EPHB4: variants seen among roughly 807,000 people sequenced by gnomAD.
EPHB4 encodes EPH receptor B4.
EPHB4 carries 50 observed loss-of-function variants against 110.6 expected under a neutral mutation model. The observed-to-expected ratio is 0.45, with a 90% confidence interval of 0.36 to 0.57. The LOEUF (loss-of-function observed/expected upper bound fraction) is 0.57. EPHB4 is among the 20% of genes least tolerant of loss of function. The pLI is 0.00. For missense variants in EPHB4, 1,128 were observed against 1,382.1 expected, an observed-to-expected ratio of 0.82 and a Z score of 2.91; for synonymous variants, 592 against 578.4, an observed-to-expected ratio of 1.02 and a Z score of -0.34.
intron 4 of EPHB4, chr7:100,820,606 C>T (rs1483581232): frequency 9.3e-6 from 2 of 214,094 alleles, no homozygotes; most frequent in Non-Finnish European, 1.8e-5. Flanking sequence ...CTGTTTCGAC[C>T]CTGATCTCGG....
chr7:100,813,395 A>G (rs1812993247), intron 10 of EPHB4, 187 bp from the exon 11 acceptor site: 1 of 630,626 alleles, frequency 1.6e-6, no homozygotes. Context: ...GGCTCACTGC[A>G]ATCTCCGCCT....
At chr7:100,820,905 G>A (rs1813211715) in intron 4 of EPHB4, 1 of 151,848 alleles carries the variant, frequency 6.6e-6, no homozygotes, top group Non-Finnish European at 1.5e-5. Context: ...GGCCAAAGAG[G>A]GCAGATCACT....
chr7:100,805,295 C>T lies in EPHB4; in HGVS notation c.2705G>A (p.Arg902Gln), dbSNP rs760826885. The stretch of plus-strand genomic sequence containing the variant: ...GCCAAAAGCTGAGTAGTGAGGCTGC[C>T]GCTGGTCCAGGAGAGGGTGTGAGGC... ...GGASHPLLDQ[R>Q]QPHYSAFGSV... Residue 902 changes from arginine to glutamine, a missense_variant, in exon 16 of 17, where the codon CGG becomes CAG. This residue lies in a region of EPHB4 where 209 missense variants were observed against 240.5 expected (regional missense o/e 0.87). Transcript: ENST00000358173. The T allele has an allele frequency of 1.2e-5, 19 of 1,613,624 alleles. No individual in the cohort carries two copies. Among genetic ancestry groups the T allele is most frequent in the South Asian group, 3.3e-5 (3 of 91,014 alleles).
At position 100,819,706 on chromosome 7, in the gene EPHB4, G is replaced by A; in HGVS notation, c.1148C>T (p.Pro383Leu). The A allele has an allele frequency of 5.0e-6, 8 of 1,613,436 alleles. No homozygotes were observed. The highest frequency in any genetic ancestry group is 6.8e-6 in the Non-Finnish European group (8 of 1,179,882). Residue 383 changes from proline (P) to leucine (L), a missense_variant, in exon 6 of 17, where the codon CCC (proline) becomes CTC (leucine). Transcript: ENST00000358173. ...CGGDLTFDPGPRDLVEPWVVV... is the reference protein window; with the variant it reads ...CGGDLTFDPGLRDLVEPWVVV... ...CACCCAGGGCTCCACCAGGTCCCGG[G>A]GGCCGGGGTCAAAAGTCAGGTCTCC...
chr7:100,809,747 C>T (rs1812889324), intron 12 of EPHB4, among the ~76,000 whole-genome samples: 3 of 152,310 alleles, frequency 2.0e-5, no homozygotes, highest in South Asian at 2.1e-4. Context: ...CTCCTGGCCT[C>T]GAGTGATCCA....
At position 100,820,266 on chromosome 7, in the gene EPHB4, G is replaced by A. The variant is rs758961867; in HGVS notation, c.839C>T (p.Ser280Leu). ...ACAQGTFKPL[S>L]GEGSCQPCPA... ...GCATGGCTGGCAGGACCCTTCTCCT[G>A]ACAGGGGCTTGAAGGTGCCCTGGGC... The change falls in exon 5 of 17, where the codon TCA becomes TTA. Residue 280 changes from serine (S) to leucine (L), a missense_variant. Around this residue, in one of 3 missense-constraint regions of EPHB4, gnomAD observed 728 missense variants for 828.6 expected, o/e 0.88. Coordinates refer to ENST00000358173, the MANE Select transcript of EPHB4 (RefSeq NM_004444.5). The A allele has an allele frequency of 1.2e-6, 2 of 1,614,026 alleles. No individual in the cohort carries two copies. The highest frequency in any genetic ancestry group is 2.2e-5 in the South Asian group (2 of 91,068).
At position 100,827,402 on chromosome 7, in the gene EPHB4, C is replaced by T. The variant is rs1282014332; in HGVS notation, c.-372G>A. ...AGTGGCTCTGCTCGCGCCGCCGGGCCGAGTGCTCTCCTCGCGGGCGGGGAT... is the reference window on the plus strand; with the variant it reads ...AGTGGCTCTGCTCGCGCCGCCGGGCTGAGTGCTCTCCTCGCGGGCGGGGAT... On this transcript the variant is annotated 5_prime_UTR_variant, in exon 1 of 17. Transcript: ENST00000358173. The T allele has an allele frequency of 6.6e-6, 1 of 150,446 alleles. No individual in the cohort carries two copies. The highest frequency in any genetic ancestry group is 1.5e-5 in the Non-Finnish European group (1 of 67,398). The allele number at this position is 150,446 out of a possible 1,614,324, so 9.3% of individuals were successfully genotyped here. A position where few individuals can be genotyped will look rare whatever the true frequency, so the allele number is the denominator to read the frequency against.
chr7:100,807,521 C>G lies in EPHB4; in HGVS notation c.2178G>C (p.Ser726=), dbSNP rs199591006. The change falls in exon 13 of 17, where the codon TCG becomes TCC. Residue 726 remains serine, a synonymous_variant. Transcript: ENST00000358173. ...QLVGMLRGIA[S]GMRYLAEMSY... Reference sequence around the variant, plus strand: ...TCATCTCGGCAAGGTACCGCATGCCCGAGGCGATGCCCCGCAGCATGCCCA... The same window carrying G: ...TCATCTCGGCAAGGTACCGCATGCCGGAGGCGATGCCCCGCAGCATGCCCA... 1.2e-6 allele frequency: 2 copies of G among 1,614,064 alleles called. No homozygotes were observed. Among genetic ancestry groups the G allele is most frequent in the Non-Finnish European group, 8.5e-7 (1 of 1,180,010 alleles).
At chr7:100,815,479 G>C (rs912056624) in intron 8 of EPHB4, among the ~76,000 whole-genome samples, 1 of 152,184 alleles carries the variant, frequency 6.6e-6, no homozygotes, top group Non-Finnish European at 1.5e-5. Context: ...CAGGGACTAA[G>C]GCAACAGAAA....
rs542077734 is a variant in EPHB4 at position 100,813,999 on chromosome 7, C to T, written c.1611G>A (p.Gln537=). The T allele has an allele frequency of 8.1e-6, 13 of 1,614,020 alleles. No individual in the cohort carries two copies. The South Asian group carries it at 1.4e-4, about 18-fold the overall frequency. The part of the protein sequence containing the change: ...QLDESEGWRE[Q]LALIAGTAVV... ...CTGCCGTGCCCGCAATCAGGGCCAG[C>T]TGCTCCCGCCAGCCCTCGCTCTCTG... Residue 537 remains glutamine, a synonymous_variant, in exon 9 of 17, where the codon CAG becomes CAA. Coordinates refer to ENST00000358173, the MANE Select transcript of EPHB4 (RefSeq NM_004444.5).
intron 2 of EPHB4, 78 bp from the exon 3 acceptor site, chr7:100,824,009 G>A (rs1432612508): frequency 2.0e-6 from 3 of 1,509,352 alleles, no homozygotes; most frequent in East Asian, 4.9e-5. Context: ...CCTATAAAGT[G>A]AGAGGGACTG....
Position 100,822,571 on chromosome 7 carries a change from T to C in EPHB4, c.508A>G (p.Ser170Gly), listed in dbSNP as rs1246958474. 6.2e-7 allele frequency: 1 copy of C among 1,613,112 alleles called. No individual in the cohort carries two copies. Among genetic ancestry groups the C allele is most frequent in the African/African-American group, 1.3e-5 (1 of 75,048 alleles). The change falls in exon 4 of 17, where the codon AGC becomes GGC. Residue 170 changes from serine to glycine, a missense_variant. Transcript: ENST00000358173. The surrounding 1 kb of genome is among the most constrained non-coding windows in gnomAD (Gnocchi z 4.7). ...AAGGCCAGGTAGAAGCCAGCCTTGC[T>C]GAGCGGTCCCAGACGCAGCGTCTTG... ...NVKTLRLGPL[S>G]KAGFYLAFQD... is the part of the protein sequence containing the mutation.
rs1282220494 is a variant in EPHB4 at position 100,822,693 on chromosome 7, C to T, written c.412-26G>A. The T allele has an allele frequency of 4.6e-6, 7 of 1,514,344 alleles. No homozygotes were observed. The East Asian group carries it at 1.7e-4, about 36-fold the overall frequency. The allele number at this position is 1,514,344 out of a possible 1,614,324, so 93.8% of individuals were successfully genotyped here. A position where few individuals can be genotyped will look rare whatever the true frequency, so the allele number is the denominator to read the frequency against. ...CTGCCGGCGGGGGGGAGGCACACCG[C>T]TGCTGTCCCCACTCCCTGAGGACCC... On this transcript the variant is annotated intron_variant, in intron 3 of 16. Transcript: ENST00000358173. This position sits in a 1 kb window ranked among gnomAD's most constrained non-coding sequence, Gnocchi z 4.7.
intron 8 of EPHB4, among the ~76,000 whole-genome samples, chr7:100,814,545 C>A (rs1813021923): frequency 6.6e-6 from 1 of 152,074 alleles, no homozygotes; most frequent in Non-Finnish European, 1.5e-5. Context: ...TGATTTGGTT[C>A]TAGTATAAAT....
chr7:100,803,497 G>A lies in EPHB4; in HGVS notation c.2928C>T (p.Thr976=). The change falls in exon 17 of 17, where the codon ACC becomes ACT. Residue 976 remains threonine, a synonymous_variant. Coordinates refer to ENST00000358173, the MANE Select transcript of EPHB4 (RefSeq NM_004444.5). ...GGGCCGGTCCTCCTGTCCCACCCGGGGTTCCCGGCTTGGCCTGGGACTTCA... is the reference window on the plus strand; with the variant it reads ...GGGCCGGTCCTCCTGTCCCACCCGGAGTTCCCGGCTTGGCCTGGGACTTCA... ...QHMKSQAKPG[T]PGGTGGPAPQ... The A allele has an allele frequency of 4.4e-6, 7 of 1,585,586 alleles. No homozygotes were observed. Among genetic ancestry groups the A allele is most frequent in the Non-Finnish European group, 5.2e-6 (6 of 1,164,832 alleles).
At chr7:100,826,741 G>A (rs1562976141) in intron 1 of EPHB4, 1 of 441,318 alleles carries the variant, frequency 2.3e-6, no homozygotes, top group Non-Finnish European at 4.1e-6. Context: ...CCCGGGCAGG[G>A]GAATGTCCCG....
At chr7:100,819,101 C>T (rs938823101) in intron 6 of EPHB4, among the ~76,000 whole-genome samples, 1 of 151,886 alleles carries the variant, frequency 6.6e-6, no homozygotes, top group African/African-American at 2.4e-5. Flanking sequence ...AGCTCCTCAC[C>T]CTCTCTTTCT....
rs1390219756 is a variant in EPHB4, at chr7:100,822,706, T to C, written c.412-39A>G. On this transcript the variant is annotated intron_variant, in intron 3 of 16. Coordinates refer to ENST00000358173, the MANE Select transcript of EPHB4 (RefSeq NM_004444.5). This position sits in a 1 kb window ranked among gnomAD's most constrained non-coding sequence, Gnocchi z 4.7. ...GGAGGCACACCGCTGCTGTCCCCAC[T>C]CCCTGAGGACCCAGCGGACTGTTGT... 10 of 1,494,964 alleles carry C rather than the reference T, an allele frequency of 6.7e-6. No homozygotes were observed. The South Asian group carries it at 7.9e-5, about 12-fold the overall frequency. 92.6% of individuals were successfully genotyped at this position (1,494,964 alleles called of 1,614,324 possible).
chr7:100,820,831 A>T (rs1813208853), intron 4 of EPHB4, among the ~76,000 whole-genome samples: 1 of 151,994 alleles, frequency 6.6e-6, no homozygotes, highest in African/African-American at 2.4e-5. Context: ...ATGAGCAAAA[A>T]CAATCTTTTG....
Sources: allele counts gnomAD v4.1 joint callset (sites outside exome capture counted in the v4.1 genomes callset), GRCh38; gene constraint gnomAD v4.1.1; regional missense constraint gnomAD v4.1.1; non-coding constraint Gnocchi (gnomAD v3.1); transcripts MANE v1.5; gene names NCBI Gene and HGNC (gene_info 2026-07-23, HGNC 2026-07-21).